PREP: variants seen among roughly 807,000 people sequenced by gnomAD.
The protein encoded by PREP is prolyl endopeptidase, also known as dJ355L5.1 (prolyl endopeptidase).
Under a neutral mutation model 87.6 loss-of-function variants are expected in PREP, and 29 were observed. The ratio of observed to expected loss-of-function variants is 0.33; its 90% CI spans 0.25 to 0.45. The LOEUF (loss-of-function observed/expected upper bound fraction) is 0.45, where lower values mean the gene tolerates loss of function less well. Ranked by LOEUF, PREP falls within the 20% of genes least tolerant of loss-of-function variation. The pLI, the probability that PREP is intolerant of heterozygous loss-of-function variation, is 1.00. For synonymous variants in PREP, 337 were observed against 328.6 expected (o/e 1.03, Z -0.28); for missense variants, 695 against 886.5 (o/e 0.78, Z 2.74).
intron 7 of PREP, among the ~76,000 whole-genome samples, chr6:105,352,468 A>G (rs1389924326): frequency 6.6e-6 from 1 of 152,178 alleles, no homozygotes; most frequent in African/African-American, 2.4e-5. Flanking sequence ...AATCTAGCCA[A>G]TTCCCATTGG....
intron 2 of PREP, among the ~76,000 whole-genome samples, chr6:105,388,599 T>G (rs1052190988): frequency 1.3e-5 from 2 of 152,226 alleles, no homozygotes; most frequent in African/African-American, 4.8e-5. Flanking sequence ...AGGTGTTCCC[T>G]AAATACATAT....
intron 2 of PREP, among the ~76,000 whole-genome samples, chr6:105,381,393 T>C (rs1467624441): frequency 6.6e-6 from 1 of 152,060 alleles, no homozygotes; most frequent in Non-Finnish European, 1.5e-5. Context: ...ATTTAACAGG[T>C]ATATCATCTT....
At chr6:105,382,045 G>A (rs1384102589) in intron 2 of PREP, among the ~76,000 whole-genome samples, 1 of 151,872 alleles carries the variant, frequency 6.6e-6, no homozygotes, top group Non-Finnish European at 1.5e-5. Flanking sequence ...TACGAAATAA[G>A]CCAGGCACGG....
At position 105,285,502 on chromosome 6, in the gene PREP, T is replaced by C. The variant is rs1562186620; in HGVS notation, c.1533A>G (p.Gly511=). The change falls in exon 12 of 15, where the codon GGA becomes GGG. Residue 511 remains glycine, a synonymous_variant. Coordinates refer to ENST00000652536, the MANE Select transcript of PREP (RefSeq NM_002726.5). ...ACACCTCACCTTTATGCCACGTCTC[T>C]CCATATTCGCCACCTCCTCTGATGT... ...VANIRGGGEY[G]ETWHKGGILA... is the part of the protein sequence containing the mutation. 4 of 1,613,538 alleles carry C rather than the reference T, an allele frequency of 2.5e-6. No individual in the cohort carries two copies. The highest frequency in any genetic ancestry group is 3.3e-5 in the Admixed American group (2 of 60,002).
At chr6:105,399,451 T>C (rs956342059) in intron 1 of PREP, among the ~76,000 whole-genome samples, 6 of 152,126 alleles carry the variant, frequency 3.9e-5, no homozygotes, top group African/African-American at 9.7e-5. Flanking sequence ...ACTGGATAAA[T>C]GGGCAGGTAA....
intron 9 of PREP, among the ~76,000 whole-genome samples, chr6:105,325,525 C>T (rs1373937993): frequency 1.3e-5 from 2 of 152,172 alleles, no homozygotes; most frequent in African/African-American, 4.8e-5. Context: ...TTACTGTACA[C>T]GGAAAGAGTT....
intron 8 of PREP, 91 bp from the exon 9 acceptor site, chr6:105,329,117 G>A: frequency 7.5e-6 from 9 of 1,205,170 alleles, no homozygotes; most frequent in Non-Finnish European, 1.1e-5. Context: ...GCTACACATA[G>A]GGCTATGCAG....
chr6:105,308,303 TG>T, intron 10 of PREP, among the ~76,000 whole-genome samples: 2 of 152,238 alleles, frequency 1.3e-5, no homozygotes, highest in African/African-American at 4.8e-5. Flanking sequence ...CAATACGGAA[TG>T]GGTCAACTGA....
At chr6:105,369,440 T>G (rs963898439) in intron 5 of PREP, among the ~76,000 whole-genome samples, 1 of 152,232 alleles carries the variant, frequency 6.6e-6, no homozygotes. Flanking sequence ...AGAAACATAT[T>G]TTGTGGATTG....
chr6:105,316,959 A>AT (rs767753839), intron 10 of PREP, among the ~76,000 whole-genome samples: 335 of 139,630 alleles, frequency 2.4e-3, no homozygotes, highest in South Asian at 5.8e-3. Context: ...AGTCTAATTA[A>AT]TTTTTTTTTT....
At chr6:105,360,799 G>C (rs1195463058) in intron 6 of PREP, among the ~76,000 whole-genome samples, 1 of 152,138 alleles carries the variant, frequency 6.6e-6, no homozygotes, top group East Asian at 1.9e-4. Context: ...CCAAATAAAT[G>C]TTTTTACAAA....
At chr6:105,351,021 A>G (rs908827373) in intron 7 of PREP, among the ~76,000 whole-genome samples, 1 of 152,216 alleles carries the variant, frequency 6.6e-6, no homozygotes, top group Non-Finnish European at 1.5e-5. Flanking sequence ...TAAAGCCCTA[A>G]CACTGACAGA....
At chr6:105,293,239 AG>A (rs1299923218) in intron 10 of PREP, among the ~76,000 whole-genome samples, 1 of 152,178 alleles carries the variant, frequency 6.6e-6, no homozygotes, top group East Asian at 1.9e-4. Context: ...GTGAGATGTG[AG>A]AGTCCTCCTT....
chr6:105,402,449 A>AAC (rs977162013), intron 1 of PREP, among the ~76,000 whole-genome samples: 36 of 126,064 alleles, frequency 2.9e-4, no homozygotes, highest in African/African-American at 9.8e-4. Flanking sequence ...CACACACACA[A>AAC]ACACACACAC....
At chr6:105,384,598 T>A (rs912623198) in intron 2 of PREP, among the ~76,000 whole-genome samples, 4 of 152,190 alleles carry the variant, frequency 2.6e-5, no homozygotes, top group African/African-American at 9.6e-5. Context: ...CCCTGTTCAT[T>A]TTCATAAGCA....
intron 10 of PREP, among the ~76,000 whole-genome samples, chr6:105,293,814 C>A (rs1770350986): frequency 6.6e-6 from 1 of 152,156 alleles, no homozygotes; most frequent in Non-Finnish European, 1.5e-5. Context: ...TAACCTGAGT[C>A]TTTTGATAAC....
At chr6:105,325,640 A>G (rs1312343736) in intron 9 of PREP, among the ~76,000 whole-genome samples, 3 of 152,166 alleles carry the variant, frequency 2.0e-5, no homozygotes, top group African/African-American at 7.2e-5. Context: ...TATTTTATCG[A>G]TACTTTCTGT....
In PREP at chr6:105,285,549, C is replaced by T; in HGVS notation, c.1486G>A (p.Gly496Ser). Reference protein sequence around the residue: ...VSRLIFVRHMGGILAVANIRG... With the variant: ...VSRLIFVRHMSGILAVANIRG... ...ATGTTGGCCACTGCCAGGATACCAC[C>T]CATGTGTCTCACAAAAATAAGCCTG... The change falls in exon 12 of 15, where the codon GGT becomes AGT. Residue 496 changes from glycine (G) to serine (S), a missense_variant. Coordinates refer to ENST00000652536, the MANE Select transcript of PREP (RefSeq NM_002726.5). The T allele has an allele frequency of 6.2e-7, 1 of 1,614,106 alleles. No homozygotes were observed. The highest frequency in any genetic ancestry group is 8.5e-7 in the Non-Finnish European group (1 of 1,179,986).
rs540588317 is a variant in PREP at position 105,276,708 on chromosome 6, A to G, written c.*1436T>C. 1.3e-5 allele frequency among the ~76,000 whole-genome samples: 2 copies of G among 152,342 alleles called. No homozygotes were observed. The highest frequency in any genetic ancestry group is 4.1e-4 in the South Asian group (2 of 4,826). ...TGTACCGTACTAAATAGTAACGGAAAACATGATTCCAGTAGAGAAAAACCA... is the reference window on the plus strand; with the variant it reads ...TGTACCGTACTAAATAGTAACGGAAGACATGATTCCAGTAGAGAAAAACCA... On this transcript the variant is annotated 3_prime_UTR_variant, in exon 15 of 15. Transcript: ENST00000652536.
Sources: allele counts gnomAD v4.1 joint callset (sites outside exome capture counted in the v4.1 genomes callset), GRCh38; gene constraint gnomAD v4.1.1; transcripts MANE v1.5; gene names NCBI Gene and HGNC (gene_info 2026-07-23, HGNC 2026-07-21).